MTHFD1L: variants seen among roughly 807,000 people sequenced by gnomAD.
The protein encoded by MTHFD1L is monofunctional C1-tetrahydrofolate synthase, mitochondrial.
In MTHFD1L, 81 loss-of-function variants were observed where a neutral mutation model predicts 119.5. That is an observed-to-expected ratio of 0.68 (90% CI 0.57 to 0.82). MTHFD1L has a LOEUF of 0.82. MTHFD1L is among the 40% of genes least tolerant of loss of function. The probability of loss-of-function intolerance (pLI) is 0.00; values close to 1 mark genes in which losing one functional copy is unlikely to be tolerated. For synonymous variants in MTHFD1L, 430 were observed against 475.2 expected, an observed-to-expected ratio of 0.90 and a Z score of 1.24; for missense variants, 1,125 against 1,253.4, an observed-to-expected ratio of 0.90 and a Z score of 1.55.
chr6:150,975,868 C>T (rs1776482904), intron 20 of MTHFD1L, among the ~76,000 whole-genome samples: 1 of 152,208 alleles, frequency 6.6e-6, no homozygotes, highest in Admixed American at 6.5e-5. Context: ...GTCTCGGGTA[C>T]CACAGACCTC....
rs955507721 is a variant in MTHFD1L, at chr6:150,963,793, T to C, written c.1945-1176T>C. On this transcript the variant is annotated intron_variant, in intron 18 of 27. Transcript: ENST00000367321. ...CTACCGTTACAAGCATTTGCTTATGTTATAGCCTTCCAATAACTAATATGT... is the reference window on the plus strand; with the variant it reads ...CTACCGTTACAAGCATTTGCTTATGCTATAGCCTTCCAATAACTAATATGT... 2.6e-5 allele frequency among the ~76,000 whole-genome samples: 4 copies of C among 152,194 alleles called. No individual in the cohort carries two copies. The East Asian group carries it at 5.8e-4, about 22-fold the overall frequency.
intron 26 of MTHFD1L, among the ~76,000 whole-genome samples, chr6:151,059,655 T>C (rs1240105146): frequency 6.6e-6 from 1 of 152,202 alleles, no homozygotes; most frequent in African/African-American, 2.4e-5. Context: ...CTTTGTGATA[T>C]GAAGTATTCT....
chr6:151,047,535 T>C (rs1183532531), intron 26 of MTHFD1L, among the ~76,000 whole-genome samples: 3 of 152,214 alleles, frequency 2.0e-5, no homozygotes, highest in Admixed American at 6.5e-5. Flanking sequence ...TGCTGGGGTT[T>C]CTGCATTAAG....
chr6:150,906,040 T>TG (rs1295193025), intron 8 of MTHFD1L, among the ~76,000 whole-genome samples: 1 of 152,194 alleles, frequency 6.6e-6, no homozygotes, highest in Non-Finnish European at 1.5e-5. Flanking sequence ...TTTGTATGTG[T>TG]GTGAGGTAAA....
At chr6:150,998,801 A>C (rs1483562733) in intron 20 of MTHFD1L, among the ~76,000 whole-genome samples, 1 of 140,872 alleles carries the variant, frequency 7.1e-6, no homozygotes, top group African/African-American at 2.7e-5. Flanking sequence ...AGGTGATGAA[A>C]CCCTGTCTCC....
intron 20 of MTHFD1L, among the ~76,000 whole-genome samples, chr6:151,006,355 C>G (rs1392771001): frequency 2.0e-5 from 3 of 152,058 alleles, no homozygotes; most frequent in Non-Finnish European, 4.4e-5. Context: ...GAGGTGACAA[C>G]AAGTAACATA....
intron 11 of MTHFD1L, 103 bp from the exon 12 acceptor site, chr6:150,936,700 AT>A (rs1168887953): frequency 7.3e-7 from 1 of 1,363,342 alleles, no homozygotes; most frequent in African/African-American, 1.4e-5. Flanking sequence ...TATGGAGTGC[AT>A]TTTGAAATGA....
intron 17 of MTHFD1L, among the ~76,000 whole-genome samples, chr6:150,957,882 A>G (rs1232842737): frequency 6.6e-6 from 1 of 152,204 alleles, no homozygotes; most frequent in African/African-American, 2.4e-5. Context: ...AAAAGTAGAA[A>G]GATGTATGCC....
chr6:150,958,422 A>G (rs1795953943), intron 17 of MTHFD1L, among the ~76,000 whole-genome samples: 2 of 152,214 alleles, frequency 1.3e-5, no homozygotes, highest in South Asian at 4.1e-4. Flanking sequence ...ACTTGATACT[A>G]TCCTTAGGAT....
At chr6:151,096,115 C>G (rs909054551) in intron 27 of MTHFD1L, among the ~76,000 whole-genome samples, 1 of 152,024 alleles carries the variant, frequency 6.6e-6, no homozygotes, top group Admixed American at 6.6e-5. Context: ...TGGCCCATTC[C>G]GAAAGATGAT....
chr6:151,017,841 T>TTTTTTTG (rs1783357579), intron 24 of MTHFD1L, among the ~76,000 whole-genome samples: 1 of 146,654 alleles, frequency 6.8e-6, no homozygotes, highest in African/African-American at 2.6e-5. Flanking sequence ...TTTTTTTTTT[T>TTTTTTTG]TTTTTTTTTT....
chr6:150,947,075 A>G, intron 15 of MTHFD1L, among the ~76,000 whole-genome samples: 1 of 127,478 alleles, frequency 7.8e-6, no homozygotes, highest in Non-Finnish European at 1.8e-5. Context: ...ACTCCATCTC[A>G]AAAAAGAAAA....
rs895364993 is a variant in MTHFD1L at position 151,017,830 on chromosome 6, C to CTTTTTTTTTTTTTT, written c.2586+2146_2586+2159dup. Among the ~76,000 whole-genome samples, 8 of 99,008 alleles carry CTTTTTTTTTTTTTT rather than the reference C, an allele frequency of 8.1e-5. 1 individual carries two copies. Among genetic ancestry groups the CTTTTTTTTTTTTTT allele is most frequent in the African/African-American group, 2.5e-4 (6 of 24,366 alleles). The allele number at this position is 99,008 out of a possible 152,430, so 65.0% of individuals were successfully genotyped here. ...AAGTATCCCTTCAAGACCGTGTTTT[C>CTTTTTTTTTTTTTT]TTTTTTTTTTTTTTTTTTTTTTGAG... On this transcript the variant is annotated intron_variant, in intron 24 of 27. Coordinates refer to ENST00000367321, the MANE Select transcript of MTHFD1L (RefSeq NM_015440.5).
At chr6:150,979,410 G>T (rs1048180199) in intron 20 of MTHFD1L, among the ~76,000 whole-genome samples, 2 of 152,120 alleles carry the variant, frequency 1.3e-5, no homozygotes, top group African/African-American at 4.8e-5. Flanking sequence ...TTCCTCCCAA[G>T]TAGGTTACTG....
intron 26 of MTHFD1L, among the ~76,000 whole-genome samples, chr6:151,081,071 A>G (rs1173688058): frequency 1.3e-5 from 2 of 152,166 alleles, no homozygotes; most frequent in East Asian, 3.9e-4. Context: ...TCAGTCCATT[A>G]TATACAGTAA....
Position 150,865,851 on chromosome 6 carries a change from G to T in MTHFD1L, c.29G>T (p.Arg10Leu). Residue 10 changes from arginine (R) to leucine (L), a missense_variant, in exon 1 of 28, where the codon CGC becomes CTC. Coordinates refer to ENST00000367321, the MANE Select transcript of MTHFD1L (RefSeq NM_015440.5). MGTRLPLVL[R>L]QLRRPPQPPG... ...GGCACGCGTCTGCCGCTCGTCCTGC[G>T]CCAGCTCCGCCGCCCGCCCCAGCCC... 8.2e-7 allele frequency: 1 copy of T among 1,226,044 alleles called. No individual in the cohort carries two copies. The highest frequency in any genetic ancestry group is 3.9e-5 in the Admixed American group (1 of 25,968). The allele number at this position is 1,226,044 out of a possible 1,614,324, so 75.9% of individuals were successfully genotyped here. A position where few individuals can be genotyped will look rare whatever the true frequency, so the allele number is the denominator to read the frequency against.
chr6:151,029,353 A>G (rs963182557), intron 24 of MTHFD1L, among the ~76,000 whole-genome samples: 5 of 151,972 alleles, frequency 3.3e-5, no homozygotes, highest in African/African-American at 1.2e-4. Context: ...CCCAGAAGGC[A>G]GAGGTTACCG....
At chr6:150,883,725 G>A (rs993788377) in intron 5 of MTHFD1L, among the ~76,000 whole-genome samples, 5 of 152,184 alleles carry the variant, frequency 3.3e-5, no homozygotes, top group South Asian at 2.1e-4. Flanking sequence ...TAGAACAAAG[G>A]ATACCGGCCG....
In MTHFD1L at chr6:151,051,177, C is replaced by A. The variant is rs192933446; in HGVS notation, c.2847+14060C>A. On this transcript the variant is annotated intron_variant, in intron 26 of 27. Transcript: ENST00000367321. ...GCTCCTTATGAATAGAGCAAAATCA[C>A]CCCTATCAGAAATTTCAAGAGTTTT... Among the ~76,000 whole-genome samples, 15 of 152,248 alleles carry A rather than the reference C, an allele frequency of 9.9e-5. No homozygotes were observed. The East Asian group carries it at 2.5e-3, about 26-fold the overall frequency.
Sources: allele counts gnomAD v4.1 joint callset (sites outside exome capture counted in the v4.1 genomes callset), GRCh38; gene constraint gnomAD v4.1.1; transcripts MANE v1.5; gene names NCBI Gene and HGNC (gene_info 2026-07-23, HGNC 2026-07-21).